SORCS2: variants seen among roughly 807,000 people sequenced by gnomAD.
The protein encoded by SORCS2 is VPS10 domain-containing receptor SorCS2.
Under a neutral mutation model 141.6 loss-of-function variants are expected in SORCS2, and 100 were observed. The ratio of observed to expected loss-of-function variants is 0.71; its 90% CI spans 0.60 to 0.83. SORCS2 has a LOEUF of 0.83. Among genes scored for constraint, SORCS2 ranks in the 40% least tolerant of loss-of-function variants. The pLI is 0.00. For missense variants in SORCS2, 1,646 were observed against 1,560.2 expected, an observed-to-expected ratio of 1.05 and a Z score of -0.93; for synonymous variants, 789 against 676.9, an observed-to-expected ratio of 1.17 and a Z score of -2.57.
chr4:7,316,318 T>G (rs1332201128), intron 1 of SORCS2, among the ~76,000 whole-genome samples: 1 of 152,294 alleles, frequency 6.6e-6, no homozygotes, highest in African/African-American at 2.4e-5. Flanking sequence ...AAAATTTTTT[T>G]GGACATCTCT....
At chr4:7,269,441 T>G (rs1210874399) in intron 1 of SORCS2, among the ~76,000 whole-genome samples, 1 of 152,202 alleles carries the variant, frequency 6.6e-6, no homozygotes, top group East Asian at 1.9e-4. Context: ...AACACGATCT[T>G]ATTTGAAATC....
chr4:7,627,247 A>C (rs1719570821), intron 3 of SORCS2, among the ~76,000 whole-genome samples: 2 of 152,172 alleles, frequency 1.3e-5, no homozygotes, highest in African/African-American at 4.8e-5. Context: ...GGCCTCTCAA[A>C]ATGCTGGGAT....
chr4:7,271,668 G>T (rs1258517384), intron 1 of SORCS2, among the ~76,000 whole-genome samples: 2 of 152,256 alleles, frequency 1.3e-5, no homozygotes, highest in Non-Finnish European at 2.9e-5. Context: ...GGGTGCGTTT[G>T]CTGTGGTGTC....
intron 2 of SORCS2, among the ~76,000 whole-genome samples, chr4:7,455,013 G>A: frequency 7.5e-6 from 1 of 132,748 alleles, no homozygotes; most frequent in East Asian, 2.6e-4. Flanking sequence ...CCACGTTAGG[G>A]TCAGGCAGTG....
At position 7,314,337 on chromosome 4, in the gene SORCS2, TTTTATTTTTTTTTA is replaced by T. The variant is rs1560185113; in HGVS notation, c.481-81947_481-81934del. Among the ~76,000 whole-genome samples, 11 of 61,336 alleles carry T rather than the reference TTTTATTTTTTTTTA, an allele frequency of 1.8e-4. 3 individuals carry two copies. The highest frequency in any genetic ancestry group is 3.1e-4 in the Admixed American group (2 of 6,430). 40.2% of individuals were successfully genotyped at this position (61,336 alleles called of 152,430 possible). ...AAAATCATGGCCTTTTTTTTATTTT[TTTTATTTTTTTTTA>T]TTTTTTGAGACGGAGTCTTGCTCAG... On this transcript the variant is annotated intron_variant, in intron 1 of 26. Transcript: ENST00000507866.
At chr4:7,433,044 T>G in intron 2 of SORCS2, 3 of 299,134 alleles carry the variant, frequency 1.0e-5, no homozygotes, top group Middle Eastern at 9.0e-4. Context: ...ATCTCAGCCT[T>G]GGAGATGAGA....
At chr4:7,569,077 C>T (rs564262874) in intron 3 of SORCS2, among the ~76,000 whole-genome samples, 2 of 152,346 alleles carry the variant, frequency 1.3e-5, no homozygotes, top group Admixed American at 1.3e-4. Context: ...GCTACAGGAG[C>T]TCTGGAAGCT....
intron 1 of SORCS2, among the ~76,000 whole-genome samples, chr4:7,231,990 C>A (rs1418770398): frequency 1.5e-4 from 23 of 152,114 alleles, no homozygotes; most frequent in Admixed American, 1.5e-3. Flanking sequence ...GATGTCCTGG[C>A]CCATCCTGGA....
chr4:7,433,903 G>A (rs766205154), intron 2 of SORCS2: 8 of 1,613,690 alleles, frequency 5.0e-6, no homozygotes, highest in Middle Eastern at 1.6e-4. Flanking sequence ...AGGCATTACC[G>A]AGCACACGCG....
rs1169471236 is a variant in SORCS2, at chr4:7,233,303, C to T, written c.480+40177C>T. ...CTGTGGACTATGCCTGCAGAAGCCA[C>T]GGTGGGGACAGGAGCACATCCAGGG... is the stretch of plus-strand genomic sequence containing the variant. On this transcript the variant is annotated intron_variant, in intron 1 of 26. Transcript: ENST00000507866. This position sits in a 1 kb window ranked among gnomAD's most constrained non-coding sequence, Gnocchi z 4.5. 6.6e-6 allele frequency among the ~76,000 whole-genome samples: 1 copy of T among 152,160 alleles called. No homozygotes were observed. The highest frequency in any genetic ancestry group is 1.5e-5 in the Non-Finnish European group (1 of 68,012).
intron 2 of SORCS2, among the ~76,000 whole-genome samples, chr4:7,523,089 C>CCCTCCTCCCTCTGCCTCCTCCCTCTG (rs71589603): frequency 2.1e-5 from 3 of 141,614 alleles, no homozygotes; most frequent in Non-Finnish European, 3.1e-5. Flanking sequence ...CTTCCCATTT[C>CCCTCCTCCCTCTGCCTCCTCCCTCTG]CCTCCTCCCT....
At chr4:7,399,159 C>T (rs1247811066) in intron 2 of SORCS2, among the ~76,000 whole-genome samples, 1 of 152,066 alleles carries the variant, frequency 6.6e-6, no homozygotes, top group Non-Finnish European at 1.5e-5. Context: ...CTGTCCTCAC[C>T]CTCTGTTTTG....
chr4:7,504,871 T>A (rs956541964), intron 2 of SORCS2, among the ~76,000 whole-genome samples: 6 of 152,094 alleles, frequency 3.9e-5, no homozygotes, highest in Non-Finnish European at 7.4e-5. Flanking sequence ...CCACAAAAGG[T>A]CCATGGTGAG....
intron 10 of SORCS2, among the ~76,000 whole-genome samples, chr4:7,688,885 A>G (rs1724037610): frequency 6.6e-6 from 1 of 152,180 alleles, no homozygotes; most frequent in Non-Finnish European, 1.5e-5. Context: ...CTCCAGAGAC[A>G]ACCCCCTGGA....
intron 14 of SORCS2, among the ~76,000 whole-genome samples, chr4:7,707,847 G>A (rs998050145): frequency 1.3e-5 from 2 of 152,222 alleles, no homozygotes; most frequent in African/African-American, 2.4e-5. Context: ...ACCGCCTGCA[G>A]GGGCCTGGCT....
rs567559522 is a variant in SORCS2, at chr4:7,201,081, G to A, written c.480+7955G>A. 2.0e-5 allele frequency among the ~76,000 whole-genome samples: 3 copies of A among 152,350 alleles called. No homozygotes were observed. Among genetic ancestry groups the A allele is most frequent in the South Asian group, 2.1e-4 (1 of 4,832 alleles). On this transcript the variant is annotated intron_variant, in intron 1 of 26. Coordinates refer to ENST00000507866, the MANE Select transcript of SORCS2 (RefSeq NM_020777.3). This position sits in a 1 kb window ranked among gnomAD's most constrained non-coding sequence, Gnocchi z 4.4. ...TCTGGACAGGAATTCACCCCAGCGC[G>A]TTCTAGGTGCCGTGTGAATCTGCGC...
intron 21 of SORCS2, 97 bp downstream of exon 21, chr4:7,727,000 G>T: frequency 7.1e-7 from 1 of 1,410,764 alleles, no homozygotes; most frequent in Non-Finnish European, 9.5e-7. Flanking sequence ...GGATGTCCTG[G>T]TCACCCTGAG....
chr4:7,722,628 T>C (rs1252174738), intron 18 of SORCS2, among the ~76,000 whole-genome samples: 3 of 152,176 alleles, frequency 2.0e-5, no homozygotes, highest in Non-Finnish European at 4.4e-5. Context: ...CACAGATGCC[T>C]GTCACTGGAT....
intron 2 of SORCS2, chr4:7,433,747 G>A (rs1360746339): frequency 1.2e-6 from 2 of 1,613,156 alleles, no homozygotes; most frequent in Admixed American, 1.7e-5. Context: ...GATGGCATAG[G>A]CATCATGGAC....
Sources: allele counts gnomAD v4.1 joint callset (sites outside exome capture counted in the v4.1 genomes callset), GRCh38; gene constraint gnomAD v4.1.1; non-coding constraint Gnocchi (gnomAD v3.1); transcripts MANE v1.5; gene names NCBI Gene and HGNC (gene_info 2026-07-23, HGNC 2026-07-21).